The following PYY variants were observed in gnomAD, a reference collection of about 807,000 sequenced individuals.
PYY encodes the protein peptide tyrosine tyrosine.
PYY carries 12 observed loss-of-function variants against 10.3 expected under a neutral mutation model. The ratio of observed to expected loss-of-function variants is 1.17; its 90% CI spans 0.75 to 1.89. The LOEUF is 1.89. Ranked by LOEUF, PYY falls within the 40% of genes most tolerant of loss-of-function variation. The probability of loss-of-function intolerance (pLI) is 0.00; values close to 1 mark genes in which losing one functional copy is unlikely to be tolerated. For missense variants in PYY, 141 were observed against 134.0 expected (o/e 1.05, Z -0.26); for synonymous variants, 66 against 62.0 (o/e 1.06, Z -0.30).
chr17:44,001,809 C>A (rs1253005994), intron 1 of PYY, among the ~76,000 whole-genome samples: 2 of 152,146 alleles, frequency 1.3e-5, no homozygotes, highest in Non-Finnish European at 2.9e-5. Context: ...GAGCCCCAGT[C>A]TGAGTCAAAG....
chr17:43,989,375 A>AAAACAAAC (rs1218027538), intron 1 of PYY, among the ~76,000 whole-genome samples: 1 of 151,582 alleles, frequency 6.6e-6, no homozygotes, highest in African/African-American at 2.4e-5. Context: ...CTCCGTCTCA[A>AAAACAAAC]AAACAAACAA....
At chr17:43,976,167 GCATATATGTATATATA>G (rs139519565) in intron 1 of PYY, among the ~76,000 whole-genome samples, 5,135 of 98,118 alleles carry the variant, frequency 0.052, 1,096 homozygotes, top group African/African-American at 0.23. Flanking sequence ...ATACATGCAT[GCATATATGTATATATA>G]CGTATATGTA....
chr17:43,992,966 C>G (rs2048967646), intron 1 of PYY, among the ~76,000 whole-genome samples: 1 of 152,136 alleles, frequency 6.6e-6, no homozygotes, highest in Non-Finnish European at 1.5e-5. Flanking sequence ...TTTAAGCCAC[C>G]AATTTGTGGT....
chr17:43,976,599 C>T (rs977581941), intron 1 of PYY, among the ~76,000 whole-genome samples: 3 of 151,946 alleles, frequency 2.0e-5, no homozygotes, highest in African/African-American at 7.3e-5. Flanking sequence ...TGGTGAAACC[C>T]CATCTCTACT....
upstream of PYY, among the ~76,000 whole-genome samples, chr17:43,956,801 G>A (rs1160531167): frequency 1.3e-5 from 2 of 152,180 alleles, no homozygotes; most frequent in African/African-American, 2.4e-5. Flanking sequence ...CCACACACAA[G>A]GCCTCACTTT....
In PYY at chr17:43,952,996, G is replaced by A; in HGVS notation, c.270-16C>T. 1 of 1,572,210 alleles carries A rather than the reference G, an allele frequency of 6.4e-7. No individual in the cohort carries two copies. The highest frequency in any genetic ancestry group is 8.6e-7 in the Non-Finnish European group (1 of 1,157,862). On this transcript the variant is annotated splice_polypyrimidine_tract_variant and intron_variant, in intron 3 of 3. Coordinates refer to ENST00000692052, the MANE Select transcript of PYY (RefSeq NM_001394028.1). ...GCCCTCCGACCTGCGGAAGCGAAGG[G>A]GAAGGAATTGGATCTGGGGAGGCGA...
intron 1 of PYY, among the ~76,000 whole-genome samples, chr17:43,980,156 CTTTTTTTTT>C (rs569138857): frequency 2.0e-5 from 2 of 100,618 alleles, no homozygotes; most frequent in Non-Finnish European, 3.8e-5. Flanking sequence ...TCCCCTCCAC[CTTTTTTTTT>C]TTTTTTTTTT....
chr17:43,964,062 G>T lies in PYY; in HGVS notation c.-218+2226C>A, dbSNP rs539467396. ...CATTTTTCTTTCTTTCTTTTTTTTG[G>T]GGCAGTGTGAGGGGACAGGGTCTTG... On this transcript the variant is annotated intron_variant, in intron 2 of 6. Transcript: ENST00000360085. 2.0e-5 allele frequency among the ~76,000 whole-genome samples: 3 copies of T among 151,480 alleles called. No homozygotes were observed. In the South Asian group the frequency reaches 6.3e-4, roughly 32 times the overall value.
intron 1 of PYY, among the ~76,000 whole-genome samples, chr17:43,986,142 C>G (rs1416004988): frequency 6.6e-6 from 1 of 152,072 alleles, no homozygotes; most frequent in East Asian, 1.9e-4. Flanking sequence ...GCCTGTAATC[C>G]CAGCTACCTG....
At chr17:43,954,862 A>T (rs1258558853), upstream of PYY, among the ~76,000 whole-genome samples, 2 of 152,230 alleles carry the variant, frequency 1.3e-5, no homozygotes, top group African/African-American at 4.8e-5. Flanking sequence ...TTAAGCACCT[A>T]CTATGCACTA....
upstream of PYY, among the ~76,000 whole-genome samples, chr17:43,956,425 G>A (rs3865346): frequency 3.9e-5 from 6 of 151,920 alleles, no homozygotes; most frequent in African/African-American, 7.3e-5. Flanking sequence ...GCCACCCCCC[G>A]ATCCACACAC....
intron 1 of PYY, among the ~76,000 whole-genome samples, chr17:43,970,505 T>TA (rs74436025): frequency 1.7e-3 from 225 of 132,554 alleles, no homozygotes; most frequent in Middle Eastern, 3.9e-3. Flanking sequence ...AGACCCTGTC[T>TA]AAAAAAAAAA....
intron 1 of PYY, among the ~76,000 whole-genome samples, chr17:43,976,892 C>T (rs1365071233): frequency 3.9e-5 from 6 of 152,210 alleles, no homozygotes; most frequent in African/African-American, 1.4e-4. Flanking sequence ...TCTTTGTGCA[C>T]CAGTGCCTGG....
chr17:43,998,034 G>A (rs891059583), intron 1 of PYY, among the ~76,000 whole-genome samples: 2 of 152,092 alleles, frequency 1.3e-5, no homozygotes, highest in African/African-American at 4.8e-5. Flanking sequence ...CACCTCCCAG[G>A]TTCAAGTCAT....
chr17:43,976,211 G>GCA (rs1491399230), intron 1 of PYY, among the ~76,000 whole-genome samples: 1 of 125,270 alleles, frequency 8.0e-6, no homozygotes, highest in Non-Finnish European at 1.6e-5. Flanking sequence ...ATACATATAC[G>GCA]TATATGTATA....
chr17:43,981,948 T>C (rs2048886354), intron 1 of PYY, among the ~76,000 whole-genome samples: 1 of 152,232 alleles, frequency 6.6e-6, no homozygotes, highest in African/African-American at 2.4e-5. Flanking sequence ...TCTCCCATCC[T>C]GTAGCGTGCC....
At chr17:43,955,872 C>G (rs1482332078), upstream of PYY, among the ~76,000 whole-genome samples, 1 of 151,986 alleles carries the variant, frequency 6.6e-6, no homozygotes, top group Non-Finnish European at 1.5e-5. Flanking sequence ...CATCTGTGAT[C>G]CCAGGGATCA....
intron 1 of PYY, among the ~76,000 whole-genome samples, chr17:43,978,357 G>T (rs1222421196): frequency 6.6e-6 from 1 of 151,120 alleles, no homozygotes; most frequent in Non-Finnish European, 1.5e-5. Context: ...AAAAGAGAGA[G>T]AAGTGAACTG....
chr17:43,983,226 T>G (rs2048894445), intron 1 of PYY, among the ~76,000 whole-genome samples: 1 of 151,988 alleles, frequency 6.6e-6, no homozygotes, highest in Non-Finnish European at 1.5e-5. Context: ...CGAGATGCTG[T>G]CTTAAAACAA....
Sources: gnomAD v4.1 joint callset for allele counts (sites outside exome capture counted in the v4.1 genomes callset) on GRCh38, gnomAD v4.1.1 for gene constraint, MANE v1.5 for transcripts, NCBI Gene and HGNC (gene_info 2026-07-23, HGNC 2026-07-21) for gene names.